WWC1: variants seen among roughly 807,000 people sequenced by gnomAD.
The protein encoded by WWC1 is WW and C2 domain containing 1, also known as protein KIBRA.
A neutral mutation model predicts 138.4 loss-of-function variants in WWC1; 55 were observed. That is an observed-to-expected ratio of 0.40 (90% CI 0.32 to 0.50). The LOEUF (loss-of-function observed/expected upper bound fraction) is 0.50, where lower values mean the gene tolerates loss of function less well. Among genes scored for constraint, WWC1 ranks in the 20% least tolerant of loss-of-function variants. The pLI is 0.72. For missense variants in WWC1, 1,226 were observed against 1,420.4 expected, an observed-to-expected ratio of 0.86 and a Z score of 2.20; for synonymous variants, 524 against 564.9, an observed-to-expected ratio of 0.93 and a Z score of 1.03.
intron 19 of WWC1, among the ~76,000 whole-genome samples, chr5:168,457,729 A>G (rs1282294902): frequency 2.0e-5 from 3 of 152,096 alleles, no homozygotes; most frequent in Non-Finnish European, 4.4e-5. Flanking sequence ...CCTGGCCCCC[A>G]CCGGCCCCGT....
chr5:168,380,028 T>C (rs1307028842), intron 2 of WWC1, among the ~76,000 whole-genome samples: 2 of 152,224 alleles, frequency 1.3e-5, no homozygotes, highest in Non-Finnish European at 2.9e-5. Context: ...AATTAAAATC[T>C]TTGTTCCTCA....
At position 168,330,966 on chromosome 5, in the gene WWC1, C is replaced by T. The variant is rs182055438; in HGVS notation, c.119+38695C>T. Among the ~76,000 whole-genome samples the T allele has an allele frequency of 1.7e-3, 262 of 152,324 alleles. 2 individuals carry two copies. The highest frequency in any genetic ancestry group is 6.0e-3 in the African/African-American group (250 of 41,580). ...CTGCCAAGACGAGCTGGGTGACTAA[C>T]ATAGCCATTCTCCAGTTTGGGGATG... On this transcript the variant is annotated intron_variant, in intron 1 of 22. Transcript: ENST00000265293.
At chr5:168,330,064 C>T (rs912139799) in intron 1 of WWC1, among the ~76,000 whole-genome samples, 3 of 152,100 alleles carry the variant, frequency 2.0e-5, no homozygotes, top group South Asian at 2.1e-4. Flanking sequence ...GAGCCGAGAT[C>T]GCACCACTGC....
At chr5:168,423,161 A>AC (rs1554108970) in intron 10 of WWC1, among the ~76,000 whole-genome samples, 5 of 140,108 alleles carry the variant, frequency 3.6e-5, no homozygotes, top group Non-Finnish European at 7.7e-5. Context: ...AAAAAAAAAA[A>AC]AAAAAAAAAA....
chr5:168,339,839 T>TC (rs1773840915), intron 1 of WWC1, among the ~76,000 whole-genome samples: 1 of 147,682 alleles, frequency 6.8e-6, no homozygotes, highest in Non-Finnish European at 1.5e-5. Context: ...TCTTTTTCTT[T>TC]TCTTTCTTTC....
At chr5:168,406,966 AAG>A (rs67125136) in intron 6 of WWC1, among the ~76,000 whole-genome samples, 2 of 150,836 alleles carry the variant, frequency 1.3e-5, no homozygotes, top group Non-Finnish European at 1.5e-5. Context: ...TAAATAAATA[AAG>A]AGAGAGAGAG....
chr5:168,446,448 G>A (rs574746802), intron 17 of WWC1, among the ~76,000 whole-genome samples: 6 of 152,200 alleles, frequency 3.9e-5, no homozygotes, highest in Non-Finnish European at 8.8e-5. Context: ...TGACATAGAC[G>A]AGGGTTTGAA....
chr5:168,329,982 C>T (rs971752664), intron 1 of WWC1, among the ~76,000 whole-genome samples: 1 of 151,988 alleles, frequency 6.6e-6, no homozygotes, highest in East Asian at 1.9e-4. Context: ...TGGTGGCAGG[C>T]GTATGTAGCC....
rs1781252310 is a variant in WWC1, at chr5:168,423,167, A to AC, written c.1275-366_1275-365insC. On this transcript the variant is annotated intron_variant, in intron 10 of 22. Coordinates refer to ENST00000265293, the MANE Select transcript of WWC1 (RefSeq NM_015238.3). Reference sequence around the variant, plus strand: ...CCCCCCCCAAAAAAAAAAAAAAAAAAAAAAACACAGTGAGTTGATTTCAAG... The same window carrying AC: ...CCCCCCCCAAAAAAAAAAAAAAAAAACAAAAACACAGTGAGTTGATTTCAAG... Among the ~76,000 whole-genome samples the AC allele has an allele frequency of 3.3e-5, 5 of 151,356 alleles. No homozygotes were observed. The South Asian group carries it at 1.0e-3, about 32-fold the overall frequency.
chr5:168,423,152 A>ACC (rs1781240886), intron 10 of WWC1, among the ~76,000 whole-genome samples: 92 of 143,680 alleles, frequency 6.4e-4, no homozygotes, highest in African/African-American at 2.2e-3. Context: ...CCCCCCCCAA[A>ACC]AAAAAAAAAA....
intron 15 of WWC1, among the ~76,000 whole-genome samples, chr5:168,435,612 T>C (rs1782287757): frequency 1.3e-5 from 2 of 152,050 alleles, no homozygotes; most frequent in South Asian, 4.2e-4. Flanking sequence ...GGTCTCACTA[T>C]GTTGCCCAGG....
Position 168,406,297 on chromosome 5 carries a change from T to C in WWC1, c.690T>C (p.Cys230=), listed in dbSNP as rs1412489638. 9 of 1,614,042 alleles carry C rather than the reference T, an allele frequency of 5.6e-6. No individual in the cohort carries two copies. Among genetic ancestry groups the C allele is most frequent in the Non-Finnish European group, 7.6e-6 (9 of 1,179,928 alleles). ...ETKAIKKAIT[C]GEKEKQDLIK... ...AAGCCATCAAAAAGGCTATTACCTG[T>C]GGGGAAAAGGAAAAGCAAGATCTCA... Residue 230 remains cysteine (C), a synonymous_variant, in exon 6 of 23, where the codon TGT becomes TGC. Transcript: ENST00000265293.
chr5:168,405,716 C>A lies in WWC1; in HGVS notation c.591-482C>A, dbSNP rs554743239. On this transcript the variant is annotated intron_variant, in intron 5 of 22. Coordinates refer to ENST00000265293, the MANE Select transcript of WWC1 (RefSeq NM_015238.3). ...GACTTTCTATGCCTTTTTTTTTTTT[C>A]CTTTTCTTTCTTTCTTTTTTTTTTT... 4.7e-3 allele frequency among the ~76,000 whole-genome samples: 701 copies of A among 148,298 alleles called. 3 individuals are homozygous for A. Among genetic ancestry groups the A allele is most frequent in the Non-Finnish European group, 8.4e-3 (565 of 66,924 alleles).
At chr5:168,397,884 A>G (rs1156834575) in intron 4 of WWC1, 84 bp downstream of exon 4, 2 of 1,452,054 alleles carry the variant, frequency 1.4e-6, no homozygotes, top group African/African-American at 1.4e-5. Context: ...AGACCAGAAC[A>G]GATGCTCCAG....
intron 1 of WWC1, among the ~76,000 whole-genome samples, chr5:168,365,790 G>A (rs921154707): frequency 2.6e-5 from 4 of 152,234 alleles, no homozygotes; most frequent in African/African-American, 9.6e-5. Flanking sequence ...ATTCAGGAAT[G>A]TTTGTGCTCC....
chr5:168,414,874 ACT>A (rs35168203), intron 9 of WWC1: 148,986 of 387,946 alleles, frequency 0.38, 32,621 homozygotes, highest in East Asian at 0.79. Context: ...AAGCCACATA[ACT>A]CTATATAACT....
intron 1 of WWC1, among the ~76,000 whole-genome samples, chr5:168,308,389 G>A (rs568341375): frequency 6.6e-6 from 1 of 152,320 alleles, no homozygotes; most frequent in East Asian, 1.9e-4. Context: ...AAAGGTCAGA[G>A]GATAAAGTTA....
At chr5:168,409,078 C>G (rs1457311843) in intron 7 of WWC1, among the ~76,000 whole-genome samples, 4 of 152,200 alleles carry the variant, frequency 2.6e-5, no homozygotes, top group Admixed American at 6.5e-5. Flanking sequence ...AGCTTTCAGG[C>G]AGCTGCTTGA....
chr5:168,385,743 A>G (rs1217765288), intron 3 of WWC1, among the ~76,000 whole-genome samples: 1 of 152,184 alleles, frequency 6.6e-6, no homozygotes, highest in Non-Finnish European at 1.5e-5. Context: ...GGAAGAAGAA[A>G]ATTTCTAGAG....
Sources: allele counts gnomAD v4.1 joint callset (sites outside exome capture counted in the v4.1 genomes callset), GRCh38; gene constraint gnomAD v4.1.1; transcripts MANE v1.5; gene names NCBI Gene and HGNC (gene_info 2026-07-23, HGNC 2026-07-21).